Variants in CREB5 observed in about 807,000 individuals in gnomAD.
CREB5 encodes cyclic AMP-responsive element-binding protein 5.
Under a neutral mutation model 57.1 loss-of-function variants are expected in CREB5, and 19 were observed. That is an observed-to-expected ratio of 0.33 (90% CI 0.23 to 0.49). The LOEUF (loss-of-function observed/expected upper bound fraction) is 0.49, where lower values mean the gene tolerates loss of function less well. CREB5 is among the 20% of genes least tolerant of loss of function. CREB5 has a pLI of 0.99. For synonymous variants in CREB5, 238 were observed against 238.3 expected (o/e 1.00, Z 0.01); for missense variants, 579 against 671.6 (o/e 0.86, Z 1.52).
intron 7 of CREB5, chr7:28,749,688 A>G (rs1804872294): frequency 6.6e-6 from 1 of 152,228 alleles, no homozygotes; most frequent in South Asian, 2.1e-4. Context: ...TATAGGTCTC[A>G]TTACAACAAT....
chr7:28,611,187 G>A (rs1239190976), intron 5 of CREB5, among the ~76,000 whole-genome samples: 2 of 152,062 alleles, frequency 1.3e-5, no homozygotes, highest in African/African-American at 4.8e-5. Flanking sequence ...TGAGGCAACA[G>A]GTCTCCCCTG....
At chr7:28,375,880 G>T (rs1335648974) in intron 1 of CREB5, among the ~76,000 whole-genome samples, 2 of 152,156 alleles carry the variant, frequency 1.3e-5, no homozygotes, top group Admixed American at 1.3e-4. Flanking sequence ...TCACAACTCT[G>T]AGGTAAGTAC....
At chr7:28,819,013 A>G (rs1417260716) in intron 10 of CREB5, 103 bp from the exon 11 acceptor site, 8 of 1,286,532 alleles carry the variant, frequency 6.2e-6, no homozygotes, top group Non-Finnish European at 7.6e-6. Context: ...TATTTCAAGT[A>G]AATATCTAGT....
At chr7:28,342,371 C>T (rs1785954024) in intron 1 of CREB5, among the ~76,000 whole-genome samples, 2 of 152,054 alleles carry the variant, frequency 1.3e-5, no homozygotes, top group South Asian at 2.1e-4. Flanking sequence ...AGAAAATAAC[C>T]ATACAAGATA....
intron 5 of CREB5, among the ~76,000 whole-genome samples, chr7:28,659,967 A>G (rs898061652): frequency 6.6e-6 from 1 of 152,202 alleles, no homozygotes; most frequent in African/African-American, 2.4e-5. Context: ...TGTCCTAAAC[A>G]CCAGGAGCAA....
At position 28,439,965 on chromosome 7, in the gene CREB5, G is replaced by A. The variant is rs139443285; in HGVS notation, c.3+27048G>A. On this transcript the variant is annotated intron_variant, in intron 1 of 10. Transcript: ENST00000357727. ...TGAATGAGTGAATGAATGAGTGAAG[G>A]AGTAAAGGCAGAAACACTTGTCTGT... 2.8e-4 allele frequency among the ~76,000 whole-genome samples: 43 copies of A among 152,292 alleles called. No individual in the cohort carries two copies. The East Asian group carries it at 5.8e-3, about 20-fold the overall frequency.
At chr7:28,389,235 C>G (rs1787165620) in intron 1 of CREB5, among the ~76,000 whole-genome samples, 1 of 152,116 alleles carries the variant, frequency 6.6e-6, no homozygotes, top group Non-Finnish European at 1.5e-5. Context: ...TTAAAAAGAT[C>G]TGAGTAATGC....
At chr7:28,399,961 G>A (rs1262095879) in intron 1 of CREB5, among the ~76,000 whole-genome samples, 1 of 152,156 alleles carries the variant, frequency 6.6e-6, no homozygotes, top group African/African-American at 2.4e-5. Context: ...GGGAGGCTGA[G>A]GCAGGAGAAT....
chr7:28,622,733 C>G (rs1797852012), intron 5 of CREB5, among the ~76,000 whole-genome samples: 2 of 152,142 alleles, frequency 1.3e-5, no homozygotes, highest in Admixed American at 6.5e-5. Flanking sequence ...TTAAAATATT[C>G]CCACCAGCTG....
At chr7:28,371,208 C>T (rs145962923) in intron 1 of CREB5, among the ~76,000 whole-genome samples, 6,355 of 152,158 alleles carry the variant, frequency 0.042, 440 homozygotes, top group African/African-American at 0.14. Context: ...TGGTGGCTCA[C>T]GCCTGTAATC....
At chr7:28,665,621 T>C (rs558812835) in intron 5 of CREB5, among the ~76,000 whole-genome samples, 2 of 152,226 alleles carry the variant, frequency 1.3e-5, no homozygotes, top group Non-Finnish European at 2.9e-5. Flanking sequence ...TCCATTTTTT[T>C]CTTTTGGTAA....
chr7:28,494,789 G>A, intron 2 of CREB5, 117 bp from the exon 3 acceptor site: 1 of 469,210 alleles, frequency 2.1e-6, no homozygotes, highest in Non-Finnish European at 3.5e-6. Context: ...TTTTTTTTTT[G>A]TTTTGCCTGT....
At chr7:28,503,341 A>G (rs1037232352) in intron 3 of CREB5, among the ~76,000 whole-genome samples, 5 of 152,222 alleles carry the variant, frequency 3.3e-5, no homozygotes, top group Non-Finnish European at 5.9e-5. Context: ...AATCATTCAT[A>G]TCCCTCACCA....
intron 5 of CREB5, among the ~76,000 whole-genome samples, chr7:28,661,870 A>T (rs1317408597): frequency 6.6e-6 from 1 of 152,260 alleles, no homozygotes; most frequent in Non-Finnish European, 1.5e-5. Context: ...AATTGTAAAC[A>T]TTATAAATGA....
chr7:28,655,880 C>G (rs1259316526), intron 5 of CREB5, among the ~76,000 whole-genome samples: 2 of 152,084 alleles, frequency 1.3e-5, no homozygotes, highest in Admixed American at 6.6e-5. Flanking sequence ...TAAATGTCTG[C>G]CGTCAACTGA....
chr7:28,804,581 C>T, intron 8 of CREB5, 59 bp downstream of exon 8: 6 of 1,566,662 alleles, frequency 3.8e-6, no homozygotes, highest in Non-Finnish European at 5.2e-6. Flanking sequence ...AGTGCAAGCT[C>T]TAATGCTGGG....
chr7:28,627,087 G>T (rs79198346), intron 5 of CREB5, among the ~76,000 whole-genome samples: 1 of 152,136 alleles, frequency 6.6e-6, no homozygotes, highest in Non-Finnish European at 1.5e-5. Context: ...ATTCTGCTAC[G>T]CCCCTGGCCT....
At chr7:28,358,958 C>T (rs975487118) in intron 1 of CREB5, among the ~76,000 whole-genome samples, 1 of 152,150 alleles carries the variant, frequency 6.6e-6, no homozygotes, top group Non-Finnish European at 1.5e-5. Flanking sequence ...CTCATTTTTC[C>T]TTCTTTCTTT....
chr7:28,740,109 A>G (rs1426390817), intron 7 of CREB5, among the ~76,000 whole-genome samples: 1 of 152,194 alleles, frequency 6.6e-6, no homozygotes, highest in East Asian at 1.9e-4. Flanking sequence ...ACTGGCTGAT[A>G]TGTAGGTTGG....
Sources: gnomAD v4.1 joint callset for allele counts (sites outside exome capture counted in the v4.1 genomes callset) on GRCh38, gnomAD v4.1.1 for gene constraint, MANE v1.5 for transcripts, NCBI Gene and HGNC (gene_info 2026-07-23, HGNC 2026-07-21) for gene names.